Variants in XXYLT1 observed in about 807,000 individuals in gnomAD.
XXYLT1 encodes xyloside xylosyltransferase 1.
In XXYLT1, 20 loss-of-function variants were observed where a neutral mutation model predicts 28.9. The ratio of observed to expected loss-of-function variants is 0.69; its 90% CI spans 0.49 to 1.00. The LOEUF is 1.00. XXYLT1 is among the 50% of genes least tolerant of loss of function. The pLI, the probability that XXYLT1 is intolerant of heterozygous loss-of-function variation, is 0.00. For missense variants in XXYLT1, 542 were observed against 560.1 expected (o/e 0.97, Z 0.33); for synonymous variants, 257 against 253.8 (o/e 1.01, Z -0.12).
chr3:195,088,252 A>C (rs1454724075), intron 3 of XXYLT1, among the ~76,000 whole-genome samples: 3 of 151,168 alleles, frequency 2.0e-5, no homozygotes. Flanking sequence ...AAACAAAAAG[A>C]CAGCAGTAAC....
chr3:195,121,026 G>A (rs925117583), intron 3 of XXYLT1, among the ~76,000 whole-genome samples: 2 of 152,196 alleles, frequency 1.3e-5, no homozygotes, highest in Non-Finnish European at 2.9e-5. Context: ...TTATATAGCT[G>A]GGTGGCCTGT....
chr3:195,095,055 G>A (rs184374911), intron 3 of XXYLT1, among the ~76,000 whole-genome samples: 11 of 152,342 alleles, frequency 7.2e-5, no homozygotes, highest in African/African-American at 9.6e-5. Flanking sequence ...CAAGCCCCCA[G>A]GTGATACCAA....
chr3:195,223,309 G>A (rs1255277443), intron 2 of XXYLT1, among the ~76,000 whole-genome samples: 1 of 152,092 alleles, frequency 6.6e-6, no homozygotes, highest in African/African-American at 2.4e-5. Flanking sequence ...AAGGCGGGAG[G>A]AGAGCTTTAA....
intron 3 of XXYLT1, among the ~76,000 whole-genome samples, chr3:195,088,775 T>C (rs907981465): frequency 2.6e-4 from 37 of 139,828 alleles, no homozygotes; most frequent in Non-Finnish European, 5.5e-4. Flanking sequence ...TTGAAAACTT[T>C]GAAAAAAATT....
intron 2 of XXYLT1, among the ~76,000 whole-genome samples, chr3:195,213,421 T>C (rs979187107): frequency 6.6e-5 from 10 of 152,130 alleles, no homozygotes; most frequent in African/African-American, 2.4e-4. Flanking sequence ...TGCGCCACCA[T>C]GCCCAGCTAA....
chr3:195,206,330 G>C (rs548764802), intron 2 of XXYLT1, among the ~76,000 whole-genome samples: 2 of 150,918 alleles, frequency 1.3e-5, no homozygotes, highest in South Asian at 2.1e-4. Flanking sequence ...TTTTGAAAGA[G>C]AGAATGGGAA....
chr3:195,215,246 G>A (rs1438011095), intron 2 of XXYLT1, among the ~76,000 whole-genome samples: 1 of 148,302 alleles, frequency 6.7e-6, no homozygotes, highest in African/African-American at 2.5e-5. Flanking sequence ...ATCGAGACTA[G>A]GAAGAAACTC....
At chr3:195,139,503 C>G (rs1466770341) in intron 3 of XXYLT1, among the ~76,000 whole-genome samples, 1 of 152,224 alleles carries the variant, frequency 6.6e-6, no homozygotes. Flanking sequence ...GCCACGGACG[C>G]TTTCACAGTG....
chr3:195,223,475 G>C (rs75056768), intron 2 of XXYLT1, among the ~76,000 whole-genome samples: 1 of 152,078 alleles, frequency 6.6e-6, no homozygotes, highest in Non-Finnish European at 1.5e-5. Flanking sequence ...GGAGAAAAAC[G>C]AATGCTATGA....
At chr3:195,167,851 T>G (rs1238319582) in intron 2 of XXYLT1, among the ~76,000 whole-genome samples, 1 of 152,186 alleles carries the variant, frequency 6.6e-6, no homozygotes, top group African/African-American at 2.4e-5. Context: ...GTGTCAGAGC[T>G]GCTGAGGCTG....
intron 2 of XXYLT1, chr3:195,184,781 G>T: frequency 1.0e-6 from 1 of 985,380 alleles, no homozygotes; most frequent in South Asian, 4.7e-5. Context: ...CATTCTGAAA[G>T]AAGTGACTAC....
intron 2 of XXYLT1, among the ~76,000 whole-genome samples, chr3:195,206,468 A>AT (rs1723074649): frequency 6.6e-6 from 1 of 151,772 alleles, no homozygotes; most frequent in African/African-American, 2.4e-5. Context: ...TAGCGCATTT[A>AT]ATACAAATAG....
At chr3:195,236,358 C>G (rs1175724395) in intron 1 of XXYLT1, among the ~76,000 whole-genome samples, 1 of 152,156 alleles carries the variant, frequency 6.6e-6, no homozygotes, top group East Asian at 1.9e-4. Context: ...GCAGAGGACT[C>G]TCTCCCTGTG....
chr3:195,070,741 G>C (rs966909596), intron 3 of XXYLT1, among the ~76,000 whole-genome samples: 3 of 152,206 alleles, frequency 2.0e-5, no homozygotes, highest in South Asian at 2.1e-4. Flanking sequence ...CTCATTCATT[G>C]AGCCCCAAGC....
Position 195,069,904 on chromosome 3 carries a change from C to T in XXYLT1, c.993G>A (p.Gln331=). 1 of 1,614,046 alleles carries T rather than the reference C, an allele frequency of 6.2e-7. No homozygotes were observed. The highest frequency in any genetic ancestry group is 8.5e-7 in the Non-Finnish European group (1 of 1,180,028). ...CCATGCCGATCATGGTGAAGAAGTC[C>T]TGGTCCCCGAGGTGGCCGCGGAAGT... ...KYHFRGHLGD[Q]DFFTMIGMEH... is the part of the protein sequence containing the mutation. Residue 331 remains glutamine, a synonymous_variant, in exon 4 of 4, where the codon CAG becomes CAA. Transcript: ENST00000310380.
In XXYLT1 at chr3:195,180,046, C is replaced by T. The variant is rs978780138; in HGVS notation, c.653-23465G>A. 1.3e-5 allele frequency among the ~76,000 whole-genome samples: 2 copies of T among 152,112 alleles called. No individual in the cohort carries two copies. The highest frequency in any genetic ancestry group is 2.4e-5 in the African/African-American group (1 of 41,422). ...GTCGGGCCAGGGTGCGGCTGAGTGACGGAGCGCCTGGTGAGGGACAGAAGA... is the reference window on the plus strand; with the variant it reads ...GTCGGGCCAGGGTGCGGCTGAGTGATGGAGCGCCTGGTGAGGGACAGAAGA... On this transcript the variant is annotated intron_variant, in intron 2 of 3. Coordinates refer to ENST00000310380, the MANE Select transcript of XXYLT1 (RefSeq NM_152531.5). This position sits in a 1 kb window ranked among gnomAD's most constrained non-coding sequence, Gnocchi z 5.8.
intron 3 of XXYLT1, among the ~76,000 whole-genome samples, chr3:195,139,861 T>C (rs1338477861): frequency 1.3e-5 from 2 of 152,232 alleles, no homozygotes; most frequent in African/African-American, 4.8e-5. Flanking sequence ...CAACAGTCCC[T>C]ATGGACTTCT....
chr3:195,143,865 GAT>G lies in XXYLT1; in HGVS notation c.785+12582_785+12583del, dbSNP rs1249814105. Among the ~76,000 whole-genome samples, 42 of 76,470 alleles carry G rather than the reference GAT, an allele frequency of 5.5e-4. 4 individuals carry two copies. Among genetic ancestry groups the G allele is most frequent in the African/African-American group, 2.5e-3 (41 of 16,292 alleles). The allele number at this position is 76,470 out of a possible 152,430, so 50.2% of individuals were successfully genotyped here. ...ATAGATATATATATAGATATATATAGATATAGATATATATATATATATATTTA... is the reference window on the plus strand; with the variant it reads ...ATAGATATATATATAGATATATATAGATAGATATATATATATATATATTTA... On this transcript the variant is annotated intron_variant, in intron 3 of 3. Transcript: ENST00000310380.
chr3:195,096,430 T>C (rs1369106780), intron 3 of XXYLT1, among the ~76,000 whole-genome samples: 1 of 152,170 alleles, frequency 6.6e-6, no homozygotes, highest in African/African-American at 2.4e-5. Flanking sequence ...TACACGACCA[T>C]GCCCATGTGC....
Sources: allele counts gnomAD v4.1 joint callset (sites outside exome capture counted in the v4.1 genomes callset), GRCh38; gene constraint gnomAD v4.1.1; non-coding constraint Gnocchi (gnomAD v3.1); transcripts MANE v1.5; gene names NCBI Gene and HGNC (gene_info 2026-07-23, HGNC 2026-07-21).